Variants in ULK4 observed in about 807,000 individuals in gnomAD.
ULK4 encodes the protein inactive serine/threonine-protein kinase ULK4.
In ULK4, 133 loss-of-function variants were observed where a neutral mutation model predicts 160.6. That is an observed-to-expected ratio of 0.83 (90% CI 0.72 to 0.96). The LOEUF (loss-of-function observed/expected upper bound fraction) is 0.96. ULK4 is among the 40% of genes least tolerant of loss of function. The probability of loss-of-function intolerance (pLI) is 0.00; values close to 1 mark genes in which losing one functional copy is unlikely to be tolerated. For synonymous variants in ULK4, 534 were observed against 539.8 expected, an observed-to-expected ratio of 0.99 and a Z score of 0.15; for missense variants, 1,580 against 1,499.5, an observed-to-expected ratio of 1.05 and a Z score of -0.89.
chr3:41,814,184 T>G (rs749569979), intron 19 of ULK4, among the ~76,000 whole-genome samples: 1 of 152,214 alleles, frequency 6.6e-6, no homozygotes, highest in Non-Finnish European at 1.5e-5. Context: ...AATATCTGTA[T>G]GTAGTATCTT....
At chr3:41,263,728 A>G (rs2078984213) in intron 35 of ULK4, among the ~76,000 whole-genome samples, 1 of 152,238 alleles carries the variant, frequency 6.6e-6, no homozygotes, top group African/African-American at 2.4e-5. Context: ...CAAGGCCCTC[A>G]GTCTAGTCAA....
chr3:41,526,023 C>G (rs748591847), intron 32 of ULK4, among the ~76,000 whole-genome samples: 115 of 152,124 alleles, frequency 7.6e-4, no homozygotes, highest in Admixed American at 1.3e-3. Context: ...CTATAATGTC[C>G]AGTGATATTA....
chr3:41,348,206 C>CA (rs1197234650), intron 35 of ULK4, among the ~76,000 whole-genome samples: 305 of 22,956 alleles, frequency 0.013, 15 homozygotes, highest in East Asian at 0.024. Flanking sequence ...AACTCTGTCT[C>CA]AAAAAAAAAA....
chr3:41,339,619 G>GT (rs2080639568), intron 35 of ULK4, among the ~76,000 whole-genome samples: 1 of 152,176 alleles, frequency 6.6e-6, no homozygotes, highest in Non-Finnish European at 1.5e-5. Flanking sequence ...TTCCTCGCTG[G>GT]TGAGGGCCAG....
At chr3:41,841,720 A>G (rs188149387) in intron 17 of ULK4, among the ~76,000 whole-genome samples, 58 of 152,258 alleles carry the variant, frequency 3.8e-4, no homozygotes, top group Admixed American at 1.4e-3. Flanking sequence ...GGGGAAAAGA[A>G]AGAGAGATCA....
At position 41,699,024 on chromosome 3, in the gene ULK4, C is replaced by T. The variant is rs143654415; in HGVS notation, c.2781+6033G>A. ...TCATTTGACTATATCATAATGTACT[C>T]ATCCATAGACTGTTGATGGGAATTT... On this transcript the variant is annotated intron_variant, in intron 27 of 36. Transcript: ENST00000301831. 2.7e-3 allele frequency among the ~76,000 whole-genome samples: 417 copies of T among 152,282 alleles called. 1 individual carries two copies. The highest frequency in any genetic ancestry group is 9.9e-3 in the African/African-American group (410 of 41,554).
At chr3:41,290,605 G>A (rs1313361276) in intron 35 of ULK4, among the ~76,000 whole-genome samples, 2 of 152,276 alleles carry the variant, frequency 1.3e-5, no homozygotes, top group Non-Finnish European at 2.9e-5. Flanking sequence ...GGGGTTCTGG[G>A]AGTCCCCAGT....
At chr3:41,849,557 T>C (rs2042157492) in intron 17 of ULK4, among the ~76,000 whole-genome samples, 1 of 152,210 alleles carries the variant, frequency 6.6e-6, no homozygotes, top group Non-Finnish European at 1.5e-5. Flanking sequence ...TGTATTATAC[T>C]ATAATGGTAG....
chr3:41,558,976 T>C (rs78498513), intron 32 of ULK4, among the ~76,000 whole-genome samples: 13 of 119,406 alleles, frequency 1.1e-4, no homozygotes, highest in Admixed American at 7.3e-4. Context: ...GCTGCACCCA[T>C]TAACTCATCA....
chr3:41,387,282 C>T (rs1186599099), intron 35 of ULK4, among the ~76,000 whole-genome samples: 1 of 152,060 alleles, frequency 6.6e-6, no homozygotes, highest in Non-Finnish European at 1.5e-5. Context: ...CTCTTTGAAA[C>T]TATTTTATTA....
intron 34 of ULK4, among the ~76,000 whole-genome samples, chr3:41,418,060 G>A (rs1367943597): frequency 6.6e-6 from 1 of 152,096 alleles, no homozygotes; most frequent in East Asian, 1.9e-4. Context: ...TACCTTCCTA[G>A]CTACTTCCAT....
rs146841706 is a variant in ULK4, at chr3:41,944,083, T to G, written c.139-5886A>C. ...TAGCTCAGGTTTCCTGGAAAACACT[T>G]AATGGGGTTTATTCAACGTAACCCC... On this transcript the variant is annotated intron_variant, in intron 2 of 36. Transcript: ENST00000301831. 2.8e-3 allele frequency among the ~76,000 whole-genome samples: 431 copies of G among 152,192 alleles called. 3 individuals carry two copies. The highest frequency in any genetic ancestry group is 0.014 in the South Asian group (68 of 4,816).
At chr3:41,484,587 G>T (rs1046740011) in intron 32 of ULK4, among the ~76,000 whole-genome samples, 1 of 151,980 alleles carries the variant, frequency 6.6e-6, no homozygotes, top group Non-Finnish European at 1.5e-5. Flanking sequence ...GGAGTAGCTG[G>T]GACTACAGGC....
chr3:41,671,036 G>T (rs1047159345), intron 29 of ULK4, among the ~76,000 whole-genome samples: 4 of 152,068 alleles, frequency 2.6e-5, no homozygotes, highest in African/African-American at 7.2e-5. Context: ...GGTAGAATAT[G>T]ATGATGCTTT....
chr3:41,470,285 A>T (rs1278275956), intron 32 of ULK4, among the ~76,000 whole-genome samples: 1 of 152,180 alleles, frequency 6.6e-6, no homozygotes, highest in Non-Finnish European at 1.5e-5. Context: ...TAGATTTCTT[A>T]ACAGAATTCC....
chr3:41,458,437 G>A (rs150586249), intron 33 of ULK4, among the ~76,000 whole-genome samples: 61 of 152,240 alleles, frequency 4.0e-4, no homozygotes, highest in African/African-American at 1.2e-3. Flanking sequence ...ACCTGCTGGA[G>A]ATATAAGACA....
chr3:41,732,252 T>C (rs2037855773), intron 22 of ULK4, among the ~76,000 whole-genome samples: 2 of 151,748 alleles, frequency 1.3e-5, no homozygotes, highest in African/African-American at 2.4e-5. Context: ...CCAGAATATA[T>C]AAAGAATTCA....
At chr3:41,378,116 T>C (rs1015485766) in intron 35 of ULK4, among the ~76,000 whole-genome samples, 4 of 150,642 alleles carry the variant, frequency 2.7e-5, no homozygotes, top group African/African-American at 7.3e-5. Context: ...CAGTAAACTA[T>C]TGCAAGAACA....
At chr3:41,318,621 G>A (rs1204799052) in intron 35 of ULK4, among the ~76,000 whole-genome samples, 1 of 152,194 alleles carries the variant, frequency 6.6e-6, no homozygotes, top group African/African-American at 2.4e-5. Context: ...TATGCAGAGT[G>A]CTAGTACAAA....
Sources: gnomAD v4.1 joint callset for allele counts (sites outside exome capture counted in the v4.1 genomes callset) on GRCh38, gnomAD v4.1.1 for gene constraint, MANE v1.5 for transcripts, NCBI Gene and HGNC (gene_info 2026-07-23, HGNC 2026-07-21) for gene names.